The following CNTN4 variants were observed in gnomAD, a reference collection of about 807,000 sequenced individuals.
CNTN4 encodes the protein contactin-4.
In CNTN4, 77 loss-of-function variants were observed where a neutral mutation model predicts 122.5. The ratio of observed to expected loss-of-function variants is 0.63; its 90% CI spans 0.52 to 0.76. CNTN4 has a LOEUF of 0.76. Ranked by LOEUF, CNTN4 falls within the 30% of genes least tolerant of loss-of-function variation. CNTN4 has a pLI of 0.00. For missense variants in CNTN4, 1,256 were observed against 1,259.1 expected (o/e 1.00, Z 0.04); for synonymous variants, 512 against 447.0 (o/e 1.15, Z -1.83).
At chr3:2,250,471 G>A (rs1344051069) in intron 2 of CNTN4, among the ~76,000 whole-genome samples, 3 of 151,756 alleles carry the variant, frequency 2.0e-5, no homozygotes, top group East Asian at 1.9e-4. Context: ...GTTAATAATA[G>A]CATTTCTATA....
intron 4 of CNTN4, among the ~76,000 whole-genome samples, chr3:2,613,468 T>C (rs2081583804): frequency 6.6e-6 from 1 of 152,100 alleles, no homozygotes; most frequent in Non-Finnish European, 1.5e-5. Context: ...AGATTAAATA[T>C]TGATTAGGTA....
At chr3:2,633,493 A>G (rs759487339) in intron 4 of CNTN4, among the ~76,000 whole-genome samples, 38 of 152,246 alleles carry the variant, frequency 2.5e-4, no homozygotes, top group Non-Finnish European at 4.7e-4. Context: ...CCATAAACAC[A>G]TAGGCTTCTC....
chr3:2,337,353 T>C (rs896105483), intron 2 of CNTN4, among the ~76,000 whole-genome samples: 4 of 152,152 alleles, frequency 2.6e-5, no homozygotes, highest in Non-Finnish European at 5.9e-5. Context: ...TGATACTGCT[T>C]TTTGTGTGTA....
At chr3:2,190,707 T>C (rs2037488535) in intron 2 of CNTN4, among the ~76,000 whole-genome samples, 1 of 151,984 alleles carries the variant, frequency 6.6e-6, no homozygotes, top group East Asian at 1.9e-4. Flanking sequence ...ATCCTGAGCC[T>C]ATTACATTTC....
intron 10 of CNTN4, among the ~76,000 whole-genome samples, chr3:2,889,427 G>A (rs2094013695): frequency 6.6e-6 from 1 of 152,166 alleles, no homozygotes; most frequent in African/African-American, 2.4e-5. Flanking sequence ...AACTGTCATA[G>A]TTGGTATCTT....
intron 3 of CNTN4, among the ~76,000 whole-genome samples, chr3:2,437,614 T>C (rs950960110): frequency 5.1e-4 from 78 of 152,154 alleles, no homozygotes; most frequent in African/African-American, 1.8e-3. Context: ...TCTATATTGA[T>C]TAAAAGATAG....
chr3:2,546,523 A>G (rs531688686), intron 3 of CNTN4, among the ~76,000 whole-genome samples: 2 of 152,222 alleles, frequency 1.3e-5, no homozygotes, highest in East Asian at 3.9e-4. Flanking sequence ...GAGGTGGAAA[A>G]TCAGAAAAAA....
At chr3:2,814,285 G>T (rs2092679853) in intron 6 of CNTN4, among the ~76,000 whole-genome samples, 1 of 152,198 alleles carries the variant, frequency 6.6e-6, no homozygotes. Flanking sequence ...AAACAATGGT[G>T]CACGGATGTT....
chr3:2,389,603 A>G (rs534706782), intron 3 of CNTN4, among the ~76,000 whole-genome samples: 1 of 151,606 alleles, frequency 6.6e-6, no homozygotes, highest in East Asian at 1.9e-4. Flanking sequence ...CTTTCCTTTT[A>G]CTATGGTCTA....
At chr3:2,520,230 A>G (rs1328146925) in intron 3 of CNTN4, among the ~76,000 whole-genome samples, 1 of 145,930 alleles carries the variant, frequency 6.9e-6, no homozygotes, top group Non-Finnish European at 1.5e-5. Context: ...TTACATTACC[A>G]TAGAAAAAGA....
At chr3:2,498,760 G>A (rs1308329642) in intron 3 of CNTN4, among the ~76,000 whole-genome samples, 5 of 151,946 alleles carry the variant, frequency 3.3e-5, no homozygotes, top group African/African-American at 1.2e-4. Context: ...GGTATTACAT[G>A]TGTGAGCCAC....
intron 13 of CNTN4, among the ~76,000 whole-genome samples, chr3:2,935,994 T>A (rs1365429372): frequency 6.6e-5 from 10 of 152,192 alleles, no homozygotes; most frequent in Admixed American, 6.5e-4. Flanking sequence ...GTGAAAGGTT[T>A]GAGCAGGAGG....
chr3:2,759,713 C>CAAA (rs71058642), intron 6 of CNTN4, among the ~76,000 whole-genome samples: 1 of 141,880 alleles, frequency 7.0e-6, no homozygotes, highest in Non-Finnish European at 1.5e-5. Context: ...GACTCTGTCT[C>CAAA]AAAAAAAAAA....
At chr3:2,832,718 A>T (rs556786243) in intron 7 of CNTN4, among the ~76,000 whole-genome samples, 26 of 152,320 alleles carry the variant, frequency 1.7e-4, no homozygotes, top group African/African-American at 6.3e-4. Context: ...TTTGTTCCTC[A>T]AAATCTTATG....
At chr3:2,666,667 A>G (rs2084184784) in intron 4 of CNTN4, among the ~76,000 whole-genome samples, 1 of 152,060 alleles carries the variant, frequency 6.6e-6, no homozygotes, top group African/African-American at 2.4e-5. Flanking sequence ...ATATGTATAC[A>G]TGTGCCATGT....
At chr3:2,664,581 T>G (rs185185444) in intron 4 of CNTN4, among the ~76,000 whole-genome samples, 1 of 152,310 alleles carries the variant, frequency 6.6e-6, no homozygotes. Context: ...GGTTATATAG[T>G]CAATATCTAG....
intron 2 of CNTN4, among the ~76,000 whole-genome samples, chr3:2,167,543 C>A (rs1449538790): frequency 3.9e-5 from 6 of 152,044 alleles, no homozygotes; most frequent in Non-Finnish European, 7.4e-5. Flanking sequence ...AAAACTATTA[C>A]CAGACTGGGA....
chr3:3,044,502 A>G (rs1700442718), intron 23 of CNTN4, among the ~76,000 whole-genome samples: 1 of 152,154 alleles, frequency 6.6e-6, no homozygotes, highest in Admixed American at 6.6e-5. Context: ...GCCTTTCCCC[A>G]CGGATAACCT....
At chr3:2,259,719 C>T (rs74704807) in intron 2 of CNTN4, among the ~76,000 whole-genome samples, 8,136 of 152,264 alleles carry the variant, frequency 0.053, 282 homozygotes, top group Non-Finnish European at 0.078. Context: ...ATTCAGTTTT[C>T]TCCCACCAAG....
Sources: gnomAD v4.1 joint callset for allele counts (sites outside exome capture counted in the v4.1 genomes callset) on GRCh38, gnomAD v4.1.1 for gene constraint, MANE v1.5 for transcripts, NCBI Gene and HGNC (gene_info 2026-07-23, HGNC 2026-07-21) for gene names.